The following STX6 variants were observed in gnomAD, a reference collection of about 807,000 sequenced individuals.
STX6 encodes syntaxin-6.
A neutral mutation model predicts 38.0 loss-of-function variants in STX6; 23 were observed. The ratio of observed to expected loss-of-function variants is 0.60; its 90% CI spans 0.43 to 0.86. The LOEUF (loss-of-function observed/expected upper bound fraction) is 0.86, where lower values mean the gene tolerates loss of function less well. Among genes scored for constraint, STX6 ranks in the 40% least tolerant of loss-of-function variants. The pLI, the probability that STX6 is intolerant of heterozygous loss-of-function variation, is 0.00. For missense variants in STX6, 274 were observed against 312.9 expected, an observed-to-expected ratio of 0.88 and a Z score of 0.94; for synonymous variants, 123 against 107.5, an observed-to-expected ratio of 1.14 and a Z score of -0.89.
At chr1:180,979,671 T>A (rs1383994229) in intron 7 of STX6, among the ~76,000 whole-genome samples, 1 of 152,160 alleles carries the variant, frequency 6.6e-6, no homozygotes, top group Non-Finnish European at 1.5e-5. Flanking sequence ...ACACTATATA[T>A]CCATGAAATA....
intron 1 of STX6, among the ~76,000 whole-genome samples, chr1:181,013,859 C>T (rs529591257): frequency 2.9e-4 from 44 of 152,342 alleles, no homozygotes; most frequent in Non-Finnish European, 5.1e-4. Flanking sequence ...CATGCTCTAA[C>T]AGAGTGGCTT....
Position 180,994,663 on chromosome 1 carries a change from A to C in STX6, c.301-1238T>G, listed in dbSNP as rs566689308. 2.6e-5 allele frequency among the ~76,000 whole-genome samples: 4 copies of C among 152,388 alleles called. 1 individual carries two copies. The South Asian group carries it at 8.3e-4, about 32-fold the overall frequency. ...CAAAGAATAGATAGGTGGTTACCTG[A>C]GGCCAGAAGAGTGCAGGGGGAAAGG... On this transcript the variant is annotated intron_variant, in intron 3 of 7. Transcript: ENST00000258301.
intron 4 of STX6, 33 bp from the exon 5 acceptor site, chr1:180,990,142 G>C: frequency 2.5e-6 from 4 of 1,612,894 alleles, no homozygotes; most frequent in Non-Finnish European, 2.5e-6. Context: ...GGAGTCAGGA[G>C]AAACAAACAA....
intron 3 of STX6, among the ~76,000 whole-genome samples, chr1:180,997,433 C>A (rs968168353): frequency 2.6e-5 from 4 of 151,920 alleles, no homozygotes; most frequent in African/African-American, 9.7e-5. Flanking sequence ...TGTGACTCTA[C>A]TTTTTCAATT....
chr1:181,014,439 A>T (rs1558100024), intron 1 of STX6, among the ~76,000 whole-genome samples: 1 of 152,082 alleles, frequency 6.6e-6, no homozygotes, highest in Non-Finnish European at 1.5e-5. Context: ...CACAGGACAG[A>T]ACATTTATTG....
intron 1 of STX6, among the ~76,000 whole-genome samples, chr1:181,021,996 C>T (rs191381384): frequency 1.3e-5 from 2 of 152,328 alleles, no homozygotes; most frequent in East Asian, 3.9e-4. Flanking sequence ...CAAATCATCA[C>T]TGAGTATGAA....
At chr1:180,983,697 A>C (rs547052766) in intron 7 of STX6, among the ~76,000 whole-genome samples, 2 of 152,344 alleles carry the variant, frequency 1.3e-5, no homozygotes, top group East Asian at 3.9e-4. Flanking sequence ...GTTGTTTTAC[A>C]TAAGTTCCCT....
Position 180,977,432 on chromosome 1 carries a change from G to A in STX6, c.692-786C>T, listed in dbSNP as rs1655287343. 3.3e-5 allele frequency among the ~76,000 whole-genome samples: 5 copies of A among 152,290 alleles called. No homozygotes were observed. The East Asian group carries it at 5.8e-4, about 18-fold the overall frequency. On this transcript the variant is annotated intron_variant, in intron 7 of 7. Coordinates refer to ENST00000258301, the MANE Select transcript of STX6 (RefSeq NM_005819.6). Reference sequence around the variant, plus strand: ...GTCCCAACTCTACAACAGCTGCCCCGCAGGGCTGTTGTGAGAATTAAACAA... The same window carrying A: ...GTCCCAACTCTACAACAGCTGCCCCACAGGGCTGTTGTGAGAATTAAACAA...
intron 1 of STX6, among the ~76,000 whole-genome samples, chr1:181,019,496 G>A (rs1386595869): frequency 6.6e-6 from 1 of 152,188 alleles, no homozygotes; most frequent in African/African-American, 2.4e-5. Flanking sequence ...ACTCCAGAAA[G>A]CTGCGTGGGT....
intron 5 of STX6, 47 bp downstream of exon 5, chr1:180,989,937 G>A (rs376819634): frequency 4.0e-4 from 640 of 1,608,350 alleles, no homozygotes; most frequent in Non-Finnish European, 5.2e-4. Context: ...CTAAGGGGGT[G>A]TCTTGTTTCC....
intron 3 of STX6, among the ~76,000 whole-genome samples, chr1:180,993,863 T>C (rs984706505): frequency 9.2e-6 from 1 of 108,782 alleles, no homozygotes; most frequent in African/African-American, 2.9e-5. Flanking sequence ...CAAAAGCACG[T>C]GTTCAAGGGC....
At chr1:181,022,589 A>G in intron 1 of STX6, 50 bp downstream of exon 1, 2 of 1,575,034 alleles carry the variant, frequency 1.3e-6, no homozygotes, top group African/African-American at 1.4e-5. Context: ...AGGTGCGGGC[A>G]GGCAGCACCG....
In STX6 at chr1:180,993,352, T is replaced by A; in HGVS notation, c.363+11A>T. On this transcript the variant is annotated intron_variant, in intron 4 of 7. Coordinates refer to ENST00000258301, the MANE Select transcript of STX6 (RefSeq NM_005819.6). ...TCTGTCATTGATAATTATATTCTGA[T>A]GTTTTCTCACCTGTCTATTTTTTCT... The A allele has an allele frequency of 6.8e-7, 1 of 1,465,624 alleles. No homozygotes were observed. Among genetic ancestry groups the A allele is most frequent in the Non-Finnish European group, 9.6e-7 (1 of 1,046,754 alleles). 90.8% of individuals were successfully genotyped at this position (1,465,624 alleles called of 1,614,324 possible).
intron 1 of STX6, among the ~76,000 whole-genome samples, chr1:181,016,431 T>C (rs1293135629): frequency 6.6e-6 from 1 of 152,216 alleles, no homozygotes; most frequent in East Asian, 1.9e-4. Flanking sequence ...CATAGTGTTC[T>C]CCAAACTAAG....
In STX6 at chr1:180,975,092, A is replaced by T. The variant is rs907283931; in HGVS notation, c.*1478T>A. 6.6e-5 allele frequency: 10 copies of T among 152,594 alleles called. No individual in the cohort carries two copies. The highest frequency in any genetic ancestry group is 2.4e-4 in the African/African-American group (10 of 41,444). 9.5% of individuals were successfully genotyped at this position (152,594 alleles called of 1,614,324 possible). On this transcript the variant is annotated 3_prime_UTR_variant, in exon 8 of 8. Transcript: ENST00000258301. ...AATAAAACCACATGAAATACAAACA[A>T]AACAAAACAAAAAGGTTTAAAAAAA...
intron 1 of STX6, among the ~76,000 whole-genome samples, chr1:181,017,048 G>C (rs113647807): frequency 6.7e-6 from 1 of 149,994 alleles, no homozygotes; most frequent in African/African-American, 2.5e-5. Flanking sequence ...CTCCAGCCTG[G>C]GTGACAGAAT....
intron 1 of STX6, among the ~76,000 whole-genome samples, chr1:181,019,931 G>A (rs911895674): frequency 1.3e-5 from 2 of 152,118 alleles, no homozygotes; most frequent in Non-Finnish European, 2.9e-5. Flanking sequence ...GGGAGGCCGA[G>A]ACAGGTGGAT....
In STX6 at chr1:180,972,871, T is replaced by G; in HGVS notation, c.*3699A>C. ...CAAATTCTGGTTTGGTTTTATTTTT[T>G]AATCAAAAAAAAAAAAAGGAGAGAA... On this transcript the variant is annotated 3_prime_UTR_variant, in exon 8 of 8. Coordinates refer to ENST00000258301, the MANE Select transcript of STX6 (RefSeq NM_005819.6). 1 of 215,890 alleles carries G rather than the reference T, an allele frequency of 4.6e-6. No individual in the cohort carries two copies. Among genetic ancestry groups the G allele is most frequent in the Non-Finnish European group, 9.5e-6 (1 of 105,772 alleles). 13.4% of individuals were successfully genotyped at this position (215,890 alleles called of 1,614,324 possible).
Position 181,022,870 on chromosome 1 carries a change from C to T in STX6, c.-197G>A, listed in dbSNP as rs768463738. On this transcript the variant is annotated 5_prime_UTR_variant, in exon 1 of 8. Coordinates refer to ENST00000258301, the MANE Select transcript of STX6 (RefSeq NM_005819.6). ...ACTCGCTCAGCACCACTGGCCGAATCCCGGACTCGGGCGCCGGCCCCCTCG... is the reference window on the plus strand; with the variant it reads ...ACTCGCTCAGCACCACTGGCCGAATTCCGGACTCGGGCGCCGGCCCCCTCG... 3.8e-4 allele frequency: 213 copies of T among 556,814 alleles called. No individual in the cohort carries two copies. Among genetic ancestry groups the T allele is most frequent in the Non-Finnish European group, 6.2e-4 (200 of 321,838 alleles). 34.5% of individuals were successfully genotyped at this position (556,814 alleles called of 1,614,324 possible).
Sources: gnomAD v4.1 joint callset for allele counts (sites outside exome capture counted in the v4.1 genomes callset) on GRCh38, gnomAD v4.1.1 for gene constraint, MANE v1.5 for transcripts, NCBI Gene and HGNC (gene_info 2026-07-23, HGNC 2026-07-21) for gene names.